SLC25A16: variants seen among roughly 807,000 people sequenced by gnomAD.
SLC25A16 encodes solute carrier family 25 member 16.
SLC25A16 carries 39 observed loss-of-function variants against 41.5 expected under a neutral mutation model. That is an observed-to-expected ratio of 0.94 (90% CI 0.73 to 1.23). The LOEUF (loss-of-function observed/expected upper bound fraction) is 1.23. Among genes scored for constraint, SLC25A16 ranks in the 50% most tolerant of loss-of-function variants. The pLI, the probability that SLC25A16 is intolerant of heterozygous loss-of-function variation, is 0.00. For missense variants in SLC25A16, 421 were observed against 426.9 expected, an observed-to-expected ratio of 0.99 and a Z score of 0.12; for synonymous variants, 146 against 147.8, an observed-to-expected ratio of 0.99 and a Z score of 0.09.
intron 3 of SLC25A16, among the ~76,000 whole-genome samples, 159 bp downstream of exon 3, chr10:68,506,426 C>T (rs1464254198): frequency 6.6e-6 from 1 of 151,432 alleles, no homozygotes; most frequent in Non-Finnish European, 1.5e-5. Flanking sequence ...CCAGCCTGGG[C>T]AGCGAGACTC....
intron 4 of SLC25A16, among the ~76,000 whole-genome samples, chr10:68,497,315 A>G (rs9299496): frequency 0.25 from 37,293 of 152,118 alleles, 5,271 homozygotes; most frequent in Admixed American, 0.35. Flanking sequence ...AGATACAAAA[A>G]CTAAGCCACA....
chr10:68,487,109 TAAAG>T lies in SLC25A16; in HGVS notation c.842+31_842+34del. 2 of 1,551,090 alleles carry T rather than the reference TAAAG, an allele frequency of 1.3e-6. 1 individual carries two copies. The highest frequency in any genetic ancestry group is 2.2e-5 in the South Asian group (2 of 89,518). The stretch of plus-strand genomic sequence containing the variant: ...TTACTGAGTTTAATGTTACATTTCC[TAAAG>T]AAAATGAACAATGACATATGATGAA... On this transcript the variant is annotated intron_variant, in intron 8 of 8. Transcript: ENST00000609923.
chr10:68,504,908 G>A (rs372779115), intron 3 of SLC25A16, among the ~76,000 whole-genome samples: 52 of 151,978 alleles, frequency 3.4e-4, no homozygotes, highest in Middle Eastern at 3.4e-3. Flanking sequence ...TCAAACTTCC[G>A]ACCTCAGCTG....
intron 1 of SLC25A16, chr10:68,518,123 T>TA (rs144616853): frequency 0.084 from 12,707 of 151,344 alleles, 775 homozygotes; most frequent in South Asian, 0.24. Context: ...ACCTGGTCTT[T>TA]AAAAAACAAC....
chr10:68,514,619 G>C (rs1240376355), intron 2 of SLC25A16, among the ~76,000 whole-genome samples: 1 of 152,150 alleles, frequency 6.6e-6, no homozygotes, highest in East Asian at 1.9e-4. Context: ...TACTTTTTGA[G>C]ACTTTTACGC....
chr10:68,501,299 T>A (rs1250856330), intron 4 of SLC25A16, among the ~76,000 whole-genome samples: 1 of 152,034 alleles, frequency 6.6e-6, no homozygotes, highest in Non-Finnish European at 1.5e-5. Flanking sequence ...ATTTGGAAAC[T>A]TTCTCACATT....
At chr10:68,518,667 G>C (rs1461241752) in intron 1 of SLC25A16, among the ~76,000 whole-genome samples, 1 of 151,764 alleles carries the variant, frequency 6.6e-6, no homozygotes, top group Non-Finnish European at 1.5e-5. Flanking sequence ...CCAGCTGCTT[G>C]GGAGGCTGAG....
At chr10:68,524,310 CAA>C (rs565308290) in intron 1 of SLC25A16, among the ~76,000 whole-genome samples, 152 of 44,028 alleles carry the variant, frequency 3.5e-3, no homozygotes, top group East Asian at 0.012. Flanking sequence ...AACTCCATCT[CAA>C]AAAAAAAAAA....
intron 6 of SLC25A16, among the ~76,000 whole-genome samples, chr10:68,490,589 C>A (rs1308328138): frequency 6.6e-6 from 1 of 151,852 alleles, no homozygotes; most frequent in Non-Finnish European, 1.5e-5. Flanking sequence ...GATCCACTCC[C>A]CCTCGGCCTC....
At chr10:68,488,747 T>C (rs2052607381) in intron 6 of SLC25A16, 118 bp from the exon 7 acceptor site, 2 of 812,434 alleles carry the variant, frequency 2.5e-6, no homozygotes, top group African/African-American at 1.7e-5. Context: ...TAATTTAAAA[T>C]AGAAAGATTT....
intron 8 of SLC25A16, among the ~76,000 whole-genome samples, chr10:68,486,044 C>T (rs1354971937): frequency 6.6e-6 from 1 of 150,888 alleles, no homozygotes; most frequent in African/African-American, 2.4e-5. Flanking sequence ...GTGGTGAAAC[C>T]CCGTCTCTCC....
In SLC25A16 at chr10:68,482,988, T is replaced by G. The variant is rs2052502462; in HGVS notation, c.*444A>C. The G allele has an allele frequency of 6.6e-6, 1 of 152,492 alleles. No individual in the cohort carries two copies. The highest frequency in any genetic ancestry group is 2.1e-4 in the South Asian group (1 of 4,834). The allele number at this position is 152,492 out of a possible 1,614,324, so 9.4% of individuals were successfully genotyped here. ...ACAAAAATAAAATGTCAATGCTGGCTGTTTCATAGAACTTAAAAATTCAAT... is the reference window on the plus strand; with the variant it reads ...ACAAAAATAAAATGTCAATGCTGGCGGTTTCATAGAACTTAAAAATTCAAT... On this transcript the variant is annotated 3_prime_UTR_variant, in exon 9 of 9. Coordinates refer to ENST00000609923, the MANE Select transcript of SLC25A16 (RefSeq NM_152707.4).
At chr10:68,515,854 G>A (rs904244948) in intron 2 of SLC25A16, among the ~76,000 whole-genome samples, 4 of 152,188 alleles carry the variant, frequency 2.6e-5, no homozygotes, top group Non-Finnish European at 2.9e-5. Flanking sequence ...GTTGTTACGT[G>A]TGCCTGTGAA....
At chr10:68,517,133 T>C (rs1295628248) in intron 1 of SLC25A16, 1 of 1,073,528 alleles carries the variant, frequency 9.3e-7, no homozygotes, top group African/African-American at 1.7e-5. Flanking sequence ...AGACAGACAC[T>C]TCAAGGTATT....
At chr10:68,502,465 C>T (rs2052865627) in intron 4 of SLC25A16, among the ~76,000 whole-genome samples, 1 of 150,938 alleles carries the variant, frequency 6.6e-6, no homozygotes, top group South Asian at 2.1e-4. Flanking sequence ...GTCCTAACTC[C>T]CAAACTCAGA....
Position 68,479,748 on chromosome 10 carries a change from G to A in SLC25A16, c.*3684C>T, listed in dbSNP as rs958790222. On this transcript the variant is annotated 3_prime_UTR_variant, in exon 9 of 9. Transcript: ENST00000609923. ...GAACCCAGGAGGTGGAGGTTGCAGT[G>A]AGCTGAGATCACACCACTGCACTCC... 8.7e-5 allele frequency: 13 copies of A among 150,146 alleles called. No individual in the cohort carries two copies. Among genetic ancestry groups the A allele is most frequent in the African/African-American group, 3.2e-4 (13 of 40,572 alleles). The allele number at this position is 150,146 out of a possible 1,614,324, so 9.3% of individuals were successfully genotyped here.
intron 2 of SLC25A16, among the ~76,000 whole-genome samples, chr10:68,509,310 C>T (rs568188407): frequency 1.3e-5 from 2 of 152,136 alleles, no homozygotes; most frequent in Non-Finnish European, 2.9e-5. Context: ...GCACTCCAGC[C>T]TGGGCAACAA....
chr10:68,489,859 A>G (rs987952939), intron 6 of SLC25A16, among the ~76,000 whole-genome samples: 1 of 150,600 alleles, frequency 6.6e-6, no homozygotes, highest in Non-Finnish European at 1.5e-5. Flanking sequence ...TGAGATGGCA[A>G]CACTGCACTC....
intron 5 of SLC25A16, 70 bp downstream of exon 5, chr10:68,493,379 T>C (rs1222134413): frequency 4.5e-6 from 6 of 1,337,872 alleles, no homozygotes; most frequent in East Asian, 2.3e-5. Context: ...TAATTACTTA[T>C]ATGACATTCA....
Sources: allele counts gnomAD v4.1 joint callset (sites outside exome capture counted in the v4.1 genomes callset), GRCh38; gene constraint gnomAD v4.1.1; transcripts MANE v1.5; gene names NCBI Gene and HGNC (gene_info 2026-07-23, HGNC 2026-07-21).